Variants in HOOK3 observed in about 807,000 individuals in gnomAD.
HOOK3 encodes the protein hook microtubule tethering protein 3, also known as protein Hook homolog 3.
A neutral mutation model predicts 116.3 loss-of-function variants in HOOK3; 24 were observed. The ratio of observed to expected loss-of-function variants is 0.21; its 90% CI spans 0.15 to 0.29. The LOEUF (loss-of-function observed/expected upper bound fraction) is 0.29, where lower values mean the gene tolerates loss of function less well. Among genes scored for constraint, HOOK3 ranks in the 10% least tolerant of loss-of-function variants. The pLI is 1.00. For missense variants in HOOK3, 632 were observed against 830.2 expected, an observed-to-expected ratio of 0.76 and a Z score of 2.93; for synonymous variants, 275 against 283.0, an observed-to-expected ratio of 0.97 and a Z score of 0.28.
Position 42,943,421 on chromosome 8 carries a change from GCTGTGAA to G in HOOK3, c.385_391del (p.Cys129ArgfsTer10). 6.6e-7 allele frequency: 1 copy of G among 1,514,022 alleles called. No homozygotes were observed. Among genetic ancestry groups the G allele is most frequent in the Non-Finnish European group, 8.9e-7 (1 of 1,128,776 alleles). 93.8% of individuals were successfully genotyped at this position (1,514,022 alleles called of 1,614,324 possible). On this transcript the variant is annotated frameshift_variant, in exon 5 of 22. Coordinates refer to ENST00000307602, the MANE Select transcript of HOOK3 (RefSeq NM_032410.4). LOFTEE classifies it high-confidence loss of function. ...GATGCTTCAGCTCATCTTAGGCTGTGCTGTGAACTGTGAACAGAAGCAAGGTAATTTG... is the reference window on the plus strand; with the variant it reads ...GATGCTTCAGCTCATCTTAGGCTGTGCTGTGAACAGAAGCAAGGTAATTTG...
intron 3 of HOOK3, among the ~76,000 whole-genome samples, chr8:42,927,178 T>G (rs1807781292): frequency 6.6e-6 from 1 of 151,912 alleles, no homozygotes; most frequent in Non-Finnish European, 1.5e-5. Flanking sequence ...GCTTAAGTAT[T>G]GGGTTTGCCA....
At chr8:42,967,265 C>G (rs936689289) in intron 10 of HOOK3, among the ~76,000 whole-genome samples, 6 of 152,012 alleles carry the variant, frequency 3.9e-5, no homozygotes, top group Non-Finnish European at 7.3e-5. Context: ...TCCCCGGCTG[C>G]CCTCCACACA....
At chr8:42,973,642 G>A (rs1808766572) in intron 12 of HOOK3, among the ~76,000 whole-genome samples, 1 of 152,060 alleles carries the variant, frequency 6.6e-6, no homozygotes, top group Non-Finnish European at 1.5e-5. Context: ...TACCACTGTT[G>A]CCTCCTTTAC....
intron 5 of HOOK3, among the ~76,000 whole-genome samples, chr8:42,948,061 A>G (rs1808268910): frequency 6.6e-6 from 1 of 152,172 alleles, no homozygotes; most frequent in African/African-American, 2.4e-5. Context: ...GTAGTAGAAG[A>G]CACACTAATA....
At chr8:43,010,661 C>T (rs984650639) in intron 19 of HOOK3, among the ~76,000 whole-genome samples, 1 of 152,180 alleles carries the variant, frequency 6.6e-6, no homozygotes, top group Non-Finnish European at 1.5e-5. Flanking sequence ...CCTTATTAGT[C>T]ATCAAAATTA....
intron 6 of HOOK3, among the ~76,000 whole-genome samples, chr8:42,952,041 C>G (rs1345524699): frequency 6.6e-6 from 1 of 152,054 alleles, no homozygotes; most frequent in Admixed American, 6.6e-5. Flanking sequence ...CTTCTGACAC[C>G]AACTACCCAA....
At chr8:42,968,535 G>A (rs1315657770) in intron 11 of HOOK3, among the ~76,000 whole-genome samples, 1 of 152,070 alleles carries the variant, frequency 6.6e-6, no homozygotes, top group African/African-American at 2.4e-5. Context: ...TCACTGTGTT[G>A]CCCAGGCTGG....
chr8:42,910,355 CCTTT>C (rs912530055), intron 2 of HOOK3, among the ~76,000 whole-genome samples: 6 of 151,070 alleles, frequency 4.0e-5, no homozygotes, highest in African/African-American at 1.5e-4. Context: ...AGAATGCCTT[CCTTT>C]TTTTTTCCTT....
chr8:42,953,964 T>G (rs1226843366), intron 6 of HOOK3, among the ~76,000 whole-genome samples: 2 of 152,190 alleles, frequency 1.3e-5, no homozygotes, highest in African/African-American at 4.8e-5. Flanking sequence ...TATAGTGTGC[T>G]TCAGTATTAT....
chr8:42,985,094 C>T (rs1030078212), intron 14 of HOOK3, among the ~76,000 whole-genome samples: 3 of 152,018 alleles, frequency 2.0e-5, no homozygotes, highest in Non-Finnish European at 4.4e-5. Context: ...AGAGTGTGGA[C>T]AAATTGGAGA....
chr8:42,974,164 C>G lies in HOOK3; in HGVS notation c.1291C>G (p.Gln431Glu). The change falls in exon 13 of 22, where the codon CAA (glutamine) becomes GAA (glutamate). Residue 431 changes from glutamine (Q) to glutamate (E), a missense_variant. Physicochemically the swap from Gln to Glu is conservative, Grantham distance 29. Transcript: ENST00000307602. Reference protein sequence around the residue: ...KETIEELRCVQAQEGQLTTQG... With the variant: ...KETIEELRCVEAQEGQLTTQG... ...AACCATTGAAGAGCTTCGTTGTGTACAAGCTCAAGAAGGGCAGCTCACAAC... is the reference window on the plus strand; with the variant it reads ...AACCATTGAAGAGCTTCGTTGTGTAGAAGCTCAAGAAGGGCAGCTCACAAC... 4 of 1,613,688 alleles carry G rather than the reference C, an allele frequency of 2.5e-6. No homozygotes were observed. The highest frequency in any genetic ancestry group is 3.4e-6 in the Non-Finnish European group (4 of 1,179,614).
intron 7 of HOOK3, among the ~76,000 whole-genome samples, chr8:42,958,460 G>A (rs557111755): frequency 2.6e-5 from 4 of 151,934 alleles, no homozygotes; most frequent in African/African-American, 9.7e-5. Flanking sequence ...TTTATGTTGA[G>A]AGTAAACAAA....
intron 15 of HOOK3, 114 bp from the exon 16 acceptor site, chr8:42,997,436 C>A: frequency 1.6e-6 from 1 of 639,020 alleles, no homozygotes; most frequent in South Asian, 2.0e-5. Flanking sequence ...ACTACTACTG[C>A]TATAACATGA....
intron 15 of HOOK3, among the ~76,000 whole-genome samples, chr8:42,991,263 G>A (rs1809154958): frequency 6.6e-6 from 1 of 151,784 alleles, no homozygotes; most frequent in Non-Finnish European, 1.5e-5. Context: ...GAATAGCTTT[G>A]GTTATTCTGG....
At chr8:42,950,309 A>G (rs949275060) in intron 5 of HOOK3, 79 bp from the exon 6 acceptor site, 2 of 904,718 alleles carry the variant, frequency 2.2e-6, no homozygotes, top group Non-Finnish European at 3.6e-6. Context: ...GACTTATAAG[A>G]ATTTATGAAG....
intron 2 of HOOK3, among the ~76,000 whole-genome samples, chr8:42,909,032 C>T (rs1226712946): frequency 6.6e-6 from 1 of 152,116 alleles, no homozygotes; most frequent in Non-Finnish European, 1.5e-5. Context: ...AGAAGATATA[C>T]AGATGGTTAA....
intron 15 of HOOK3, among the ~76,000 whole-genome samples, chr8:42,990,595 C>CCT (rs1809141982): frequency 6.6e-6 from 1 of 151,992 alleles, no homozygotes; most frequent in Admixed American, 6.6e-5. Flanking sequence ...CCCACCTCAG[C>CCT]CTCCCAAAGT....
At position 42,943,464 on chromosome 8, in the gene HOOK3, G is replaced by C. The variant is rs753368727; in HGVS notation, c.400+19G>C. 16 of 1,402,438 alleles carry C rather than the reference G, an allele frequency of 1.1e-5. No homozygotes were observed. The highest frequency in any genetic ancestry group is 1.5e-5 in the African/African-American group (1 of 68,602). 86.9% of individuals were successfully genotyped at this position (1,402,438 alleles called of 1,614,324 possible). On this transcript the variant is annotated intron_variant, in intron 5 of 21. Coordinates refer to ENST00000307602, the MANE Select transcript of HOOK3 (RefSeq NM_032410.4). ...AAGCAAGGTAATTTGTTTCAAGTTA[G>C]TGTTTGCATTTAAAATAATGAAGGA...
At chr8:42,957,960 G>C (rs1161502955) in intron 7 of HOOK3, among the ~76,000 whole-genome samples, 1 of 151,596 alleles carries the variant, frequency 6.6e-6, no homozygotes, top group Non-Finnish European at 1.5e-5. Flanking sequence ...CTCCCAAGTA[G>C]CTGGGACTAC....
Sources: gnomAD v4.1 joint callset for allele counts (sites outside exome capture counted in the v4.1 genomes callset) on GRCh38, gnomAD v4.1.1 for gene constraint, MANE v1.5 for transcripts, NCBI Gene and HGNC (gene_info 2026-07-23, HGNC 2026-07-21) for gene names.